TARBP1: variants seen among roughly 807,000 people sequenced by gnomAD.
The protein encoded by TARBP1 is tRNA (guanosine(18)-2'-O)-methyltransferase TARBP1.
A neutral mutation model predicts 178.6 loss-of-function variants in TARBP1; 144 were observed. That is an observed-to-expected ratio of 0.81 (90% confidence interval 0.70 to 0.93). The LOEUF (loss-of-function observed/expected upper bound fraction) is 0.93. TARBP1 is among the 40% of genes least tolerant of loss of function. TARBP1 has a pLI of 0.00. For missense variants in TARBP1, 2,067 were observed against 2,011.7 expected (o/e 1.03, Z -0.53); for synonymous variants, 787 against 781.0 (o/e 1.01, Z -0.13).
chr1:234,446,590 T>C (rs1666193088), intron 12 of TARBP1, among the ~76,000 whole-genome samples: 1 of 148,268 alleles, frequency 6.7e-6, no homozygotes, highest in South Asian at 2.1e-4. Flanking sequence ...TTCACCACTG[T>C]ATCCCCAGCA....
intron 3 of TARBP1, among the ~76,000 whole-genome samples, chr1:234,468,223 C>G (rs184669525): frequency 6.6e-6 from 1 of 152,122 alleles, no homozygotes; most frequent in African/African-American, 2.4e-5. Flanking sequence ...GAGGCCGAGG[C>G]AGATGGATCA....
At chr1:234,421,512 C>A (rs1475759002) in intron 20 of TARBP1, among the ~76,000 whole-genome samples, 1 of 116,660 alleles carries the variant, frequency 8.6e-6, no homozygotes, top group Admixed American at 8.1e-5. Context: ...GCACTTCTCA[C>A]CTTGTGCCCC....
intron 12 of TARBP1, among the ~76,000 whole-genome samples, chr1:234,444,611 C>G (rs1665959124): frequency 6.6e-6 from 1 of 152,078 alleles, no homozygotes; most frequent in Admixed American, 6.6e-5. Flanking sequence ...ACTCACAAAG[C>G]CTCTTTCCCA....
At chr1:234,460,504 A>C in intron 6 of TARBP1, 108 bp from the exon 7 acceptor site, 2 of 1,105,724 alleles carry the variant, frequency 1.8e-6, no homozygotes, top group Non-Finnish European at 2.6e-6. Flanking sequence ...GTAAGGCTCC[A>C]CTTCCCACAC....
At position 234,433,447 on chromosome 1, in the gene TARBP1, G is replaced by T; in HGVS notation, c.2357C>A (p.Ala786Glu). 1 of 1,613,926 alleles carries T rather than the reference G, an allele frequency of 6.2e-7. No homozygotes were observed. The highest frequency in any genetic ancestry group is 8.5e-7 in the Non-Finnish European group (1 of 1,179,962). ...CATCTCTTGAAGATGCTGAATGGAT[G>T]CATTTTTCAAAAGAGAAATAACTCT... is the stretch of plus-strand genomic sequence containing the variant. ...IWRVISLLKN[A>E]SIQHLQEMDS... is the part of the protein sequence containing the mutation. Residue 786 changes from alanine (A) to glutamate (E), a missense_variant, in exon 14 of 30, where the codon GCA becomes GAA. Ala to Glu is a moderately radical substitution (Grantham distance 107). Transcript: ENST00000040877.
chr1:234,463,520 C>T (rs1333788212), intron 6 of TARBP1, among the ~76,000 whole-genome samples: 6 of 152,140 alleles, frequency 3.9e-5, no homozygotes, highest in Admixed American at 6.5e-5. Flanking sequence ...AACCAAGTTC[C>T]GTATTTCTCA....
chr1:234,478,191 C>T lies in TARBP1; in HGVS notation c.913G>A (p.Gly305Arg), dbSNP rs780495744. The change falls in exon 1 of 30, where the codon GGG becomes AGG. Residue 305 changes from glycine to arginine, a missense_variant. Physicochemically the swap from Gly to Arg is moderately radical, Grantham distance 125 (BLOSUM62 -2). Transcript: ENST00000040877. ...CAGGTACCGTTTCCTTCCTGGGGCC[C>T]GCAGGTGCAGTCGGCCCCCAGCTCC... ...SAELGADCTC[G>R]PQEGNGPSLF... The T allele has an allele frequency of 6.2e-7, 1 of 1,611,816 alleles. No homozygotes were observed. The highest frequency in any genetic ancestry group is 8.5e-7 in the Non-Finnish European group (1 of 1,179,532).
intron 20 of TARBP1, among the ~76,000 whole-genome samples, chr1:234,421,619 C>A (rs1233325197): frequency 6.6e-6 from 1 of 152,248 alleles, no homozygotes; most frequent in Non-Finnish European, 1.5e-5. Flanking sequence ...GGCATCTCTA[C>A]GCATGACGTG....
At chr1:234,418,910 T>C (rs147447557) in intron 21 of TARBP1, among the ~76,000 whole-genome samples, 4,125 of 152,326 alleles carry the variant, frequency 0.027, 160 homozygotes, top group African/African-American at 0.089. Context: ...CAGTGGCTCA[T>C]GCCTGTAATC....
At chr1:234,459,048 C>T (rs1190119937) in intron 8 of TARBP1, among the ~76,000 whole-genome samples, 182 bp downstream of exon 8, 1 of 152,188 alleles carries the variant, frequency 6.6e-6, no homozygotes, top group East Asian at 1.9e-4. Flanking sequence ...TCCAAGGTCC[C>T]AGTGCCAGCC....
In TARBP1 at chr1:234,446,992, A is replaced by G; in HGVS notation, c.1962-17T>C. The stretch of plus-strand genomic sequence containing the variant: ...TGCTTTCCGCTAGACATTAAAAGAC[A>G]TGCCAAAATCAACCATTTCAAAAGC... On this transcript the variant is annotated splice_polypyrimidine_tract_variant and intron_variant, in intron 11 of 29. Transcript: ENST00000040877. 3 of 1,610,286 alleles carry G rather than the reference A, an allele frequency of 1.9e-6. No individual in the cohort carries two copies. The highest frequency in any genetic ancestry group is 2.5e-6 in the Non-Finnish European group (3 of 1,178,294).
intron 22 of TARBP1, among the ~76,000 whole-genome samples, chr1:234,413,642 G>T (rs1259809575): frequency 6.6e-6 from 1 of 152,208 alleles, no homozygotes; most frequent in Non-Finnish European, 1.5e-5. Context: ...ACTCCGAGGA[G>T]CATAGTCTTC....
In TARBP1 at chr1:234,453,549, A is replaced by G. The variant is rs529575249; in HGVS notation, c.1723-2983T>C. 5.9e-5 allele frequency among the ~76,000 whole-genome samples: 9 copies of G among 152,196 alleles called. No homozygotes were observed. The South Asian group carries it at 1.9e-3, about 32-fold the overall frequency. On this transcript the variant is annotated intron_variant, in intron 9 of 29. Transcript: ENST00000040877. ...ACCAAATACTGTTTCAAAAAATAAAATCTATTAATTAAAAAACTATTTAGG... is the reference window on the plus strand; with the variant it reads ...ACCAAATACTGTTTCAAAAAATAAAGTCTATTAATTAAAAAACTATTTAGG...
At chr1:234,444,962 G>A (rs138497318) in intron 12 of TARBP1, among the ~76,000 whole-genome samples, 1 of 151,960 alleles carries the variant, frequency 6.6e-6, no homozygotes, top group African/African-American at 2.4e-5. Flanking sequence ...ACAACTTCTC[G>A]TTCCTCACCA....
At chr1:234,455,459 C>T (rs985939435) in intron 9 of TARBP1, among the ~76,000 whole-genome samples, 1 of 152,144 alleles carries the variant, frequency 6.6e-6, no homozygotes, top group African/African-American at 2.4e-5. Flanking sequence ...AGATGGAATA[C>T]TATGCAAGCT....
intron 24 of TARBP1, among the ~76,000 whole-genome samples, chr1:234,402,309 CTAA>C: frequency 6.6e-6 from 1 of 152,294 alleles, no homozygotes; most frequent in East Asian, 1.9e-4. Context: ...TTAAAAACAA[CTAA>C]TGTTACCAAA....
chr1:234,430,292 C>T lies in TARBP1; in HGVS notation c.2404G>A (p.Val802Ile). Reference protein sequence around the residue: ...QEMDSGQEPTVGSQIQRVVSM... With the variant: ...QEMDSGQEPTIGSQIQRVVSM... ...ACTACTCTCTGAATCTGACTTCCAA[C>T]TGTTGGCTCCTGAAAAGGAAATGTG... is the stretch of plus-strand genomic sequence containing the variant. Residue 802 changes from valine (V) to isoleucine (I), a missense_variant, in exon 15 of 30, where the codon GTT becomes ATT. Transcript: ENST00000040877. The T allele has an allele frequency of 6.2e-7, 1 of 1,613,444 alleles. No homozygotes were observed. Among genetic ancestry groups the T allele is most frequent in the Non-Finnish European group, 8.5e-7 (1 of 1,179,854 alleles).
chr1:234,476,694 T>A (rs1057076061), intron 1 of TARBP1, among the ~76,000 whole-genome samples: 13 of 152,232 alleles, frequency 8.5e-5, no homozygotes, highest in African/African-American at 3.1e-4. Context: ...ACAGTCATAA[T>A]TTTATAAATG....
At chr1:234,464,015 G>A in intron 5 of TARBP1, 81 bp from the exon 6 acceptor site, 1 of 728,494 alleles carries the variant, frequency 1.4e-6, no homozygotes, top group Non-Finnish European at 2.0e-6. Context: ...AATGGACCAT[G>A]GCCCAAAAGT....
Sources: allele counts gnomAD v4.1 joint callset (sites outside exome capture counted in the v4.1 genomes callset), GRCh38; gene constraint gnomAD v4.1.1; transcripts MANE v1.5; gene names NCBI Gene and HGNC (gene_info 2026-07-23, HGNC 2026-07-21).